VBP1: variants seen among roughly 807,000 people sequenced by gnomAD.
VBP1 encodes VHL binding protein 1.
VBP1 carries 4 observed loss-of-function variants against 15.5 expected under a neutral mutation model. The observed-to-expected ratio is 0.26, with a 90% CI of 0.13 to 0.59. The LOEUF is 0.59. VBP1 is among the 20% of genes least tolerant of loss of function. VBP1 has a pLI of 0.90. For missense variants in VBP1, 108 were observed against 139.6 expected, an observed-to-expected ratio of 0.77 and a Z score of 1.14; for synonymous variants, 61 against 52.1, an observed-to-expected ratio of 1.17 and a Z score of -0.74.
intron 2 of VBP1, among the ~76,000 whole-genome samples, chrX:155,222,549 A>G (rs782651865): frequency 1.8e-5 from 2 of 111,784 alleles, no homozygotes; most frequent in Non-Finnish European, 3.8e-5. Context: ...TTGCGTATCA[A>G]ACTTAAATTG....
chrX:155,236,140 A>G (rs1248510303), intron 4 of VBP1, 89 bp from the exon 5 acceptor site: 3 of 1,004,808 alleles, frequency 3.0e-6, no homozygotes, highest in Non-Finnish European at 4.0e-6. Context: ...GCTGGATTTG[A>G]CCTGAGGGCT....
At chrX:155,216,027 GA>G (rs1234056559), upstream of VBP1, among the ~76,000 whole-genome samples, 2 of 110,934 alleles carry the variant, frequency 1.8e-5, no homozygotes, top group African/African-American at 6.6e-5. Flanking sequence ...GGGATGGTGA[GA>G]CCAGAAAGGC....
At chrX:155,199,466 A>G (rs1439755128) in intron 1 of VBP1, among the ~76,000 whole-genome samples, 1 of 111,970 alleles carries the variant, frequency 8.9e-6, no homozygotes, top group Non-Finnish European at 1.9e-5. Context: ...ACATTCTTAA[A>G]GAAAAGAATT....
chrX:155,207,046 C>A (rs901319935), intron 1 of VBP1, among the ~76,000 whole-genome samples: 1 of 111,226 alleles, frequency 9.0e-6, no homozygotes, highest in African/African-American at 3.3e-5. Flanking sequence ...GGTCCAAGTA[C>A]CAAAGGAGTG....
intron 5 of VBP1, among the ~76,000 whole-genome samples, chrX:155,238,042 G>T (rs1445832176): frequency 1.8e-5 from 2 of 111,552 alleles, no homozygotes; most frequent in Non-Finnish European, 3.8e-5. Flanking sequence ...GAAAGGAAAA[G>T]ATATTAAACG....
At chrX:155,199,844 G>T (rs1557307163) in intron 1 of VBP1, among the ~76,000 whole-genome samples, 1 of 112,502 alleles carries the variant, frequency 8.9e-6, no homozygotes, top group Non-Finnish European at 1.9e-5. Context: ...ACCCATCAGT[G>T]TGCTGTATTC....
chrX:155,226,423 A>G (rs1557310268), intron 2 of VBP1, among the ~76,000 whole-genome samples: 1 of 111,680 alleles, frequency 9.0e-6, no homozygotes, highest in Non-Finnish European at 1.9e-5. Context: ...TGTTTTTTTA[A>G]ATTTCTTGTG....
At chrX:155,213,106 A>G (rs1157345536), upstream of VBP1, 1 of 111,992 alleles carries the variant, frequency 8.9e-6, no homozygotes, top group Non-Finnish European at 1.9e-5. Flanking sequence ...GTGGCTTAGC[A>G]TGCAGGAGCA....
chrX:155,204,995 A>G (rs1255785081), intron 1 of VBP1, among the ~76,000 whole-genome samples: 1 of 112,294 alleles, frequency 8.9e-6, no homozygotes, highest in Non-Finnish European at 1.9e-5. Flanking sequence ...GACATTGTTA[A>G]TACAGATAGA....
In VBP1 at chrX:155,229,490, G is replaced by A. The variant is rs181654925; in HGVS notation, c.384+1008G>A. On this transcript the variant is annotated intron_variant, in intron 4 of 5. Coordinates refer to ENST00000286428, the MANE Select transcript of VBP1 (RefSeq NM_003372.7). ...GGGAATAATAAATATGCATATGTTCGATCTCCTTTATCTGTTTTCAGTACC... is the reference window on the plus strand; with the variant it reads ...GGGAATAATAAATATGCATATGTTCAATCTCCTTTATCTGTTTTCAGTACC... Among the ~76,000 whole-genome samples, 9 of 111,733 alleles carry A rather than the reference G, an allele frequency of 8.1e-5. No homozygotes were observed. In the East Asian group the frequency reaches 2.2e-3, roughly 28 times the overall value.
At chrX:155,225,898 A>C (rs782785045) in intron 2 of VBP1, among the ~76,000 whole-genome samples, 39 of 112,010 alleles carry the variant, frequency 3.5e-4, no homozygotes, top group Non-Finnish European at 6.0e-4. Context: ...TGATGACACT[A>C]TGTTTTTTTC....
At chrX:155,209,531 G>T (rs180975406) in intron 2 of VBP1, among the ~76,000 whole-genome samples, 1 of 112,166 alleles carries the variant, frequency 8.9e-6, no homozygotes, top group Non-Finnish European at 1.9e-5. Flanking sequence ...GATGTATAGC[G>T]GATAGAAGAA....
chrX:155,202,304 A>G (rs1412971119), intron 1 of VBP1, among the ~76,000 whole-genome samples: 10 of 111,781 alleles, frequency 8.9e-5, no homozygotes, highest in Non-Finnish European at 1.1e-4. Context: ...TGCCAAGTCA[A>G]TCCTAAGCCA....
chrX:155,224,484 C>G (rs1450550829), intron 2 of VBP1, among the ~76,000 whole-genome samples: 1 of 112,380 alleles, frequency 8.9e-6, no homozygotes, highest in Admixed American at 9.3e-5. Flanking sequence ...TGCCTGCAAT[C>G]CCAGGCACTC....
At chrX:155,204,508 G>T (rs1167798173) in intron 1 of VBP1, among the ~76,000 whole-genome samples, 1 of 111,443 alleles carries the variant, frequency 9.0e-6, no homozygotes, top group African/African-American at 3.3e-5. Context: ...ACTACGAACA[G>T]AAAAAAATTA....
At chrX:155,198,616 C>A (rs973320766) in intron 1 of VBP1, among the ~76,000 whole-genome samples, 2 of 110,435 alleles carry the variant, frequency 1.8e-5, no homozygotes, top group Non-Finnish European at 3.8e-5. Flanking sequence ...TGTACATCAC[C>A]ATCATCAAAG....
chrX:155,199,094 A>T (rs1473387516), intron 1 of VBP1, among the ~76,000 whole-genome samples: 1 of 111,420 alleles, frequency 9.0e-6, no homozygotes, highest in East Asian at 2.8e-4. Context: ...GCCTCCAAGA[A>T]ATATGGGACT....
chrX:155,217,111 T>G (rs376688692), intron 1 of VBP1, among the ~76,000 whole-genome samples: 1 of 111,974 alleles, frequency 8.9e-6, no homozygotes, highest in East Asian at 2.8e-4. Flanking sequence ...TGTAAAGTCC[T>G]TCTGTGTCTT....
intron 4 of VBP1, among the ~76,000 whole-genome samples, chrX:155,230,103 G>A (rs782395279): frequency 1.8e-5 from 2 of 111,654 alleles, no homozygotes; most frequent in South Asian, 3.8e-4. Context: ...CCAGAAGTCC[G>A]TGATGAGCCC....
Sources: allele counts gnomAD v4.1 joint callset (sites outside exome capture counted in the v4.1 genomes callset), GRCh38; gene constraint gnomAD v4.1.1; transcripts MANE v1.5; gene names NCBI Gene and HGNC (gene_info 2026-07-23, HGNC 2026-07-21).